CEP57: variants seen among roughly 807,000 people sequenced by gnomAD.
CEP57 encodes centrosomal protein of 57 kDa.
In CEP57, 40 loss-of-function variants were observed where a neutral mutation model predicts 68.0. That is an observed-to-expected ratio of 0.59 (90% CI 0.46 to 0.77). The LOEUF (loss-of-function observed/expected upper bound fraction) is 0.77. Among genes scored for constraint, CEP57 ranks in the 30% least tolerant of loss-of-function variants. The pLI, the probability that CEP57 is intolerant of heterozygous loss-of-function variation, is 0.00. For synonymous variants in CEP57, 219 were observed against 198.7 expected (o/e 1.10, Z -0.86); for missense variants, 606 against 580.7 (o/e 1.04, Z -0.45).
chr11:95,809,717 CAACCAAA>C (rs1861966557), intron 2 of CEP57, among the ~76,000 whole-genome samples: 1 of 152,080 alleles, frequency 6.6e-6, no homozygotes, highest in African/African-American at 2.4e-5. Flanking sequence ...AATAGCCTGC[CAACCAAA>C]AAAAGTCCAG....
chr11:95,790,370 C>T, upstream of CEP57: 1 of 455,522 alleles, frequency 2.2e-6, no homozygotes, highest in East Asian at 4.0e-5. Flanking sequence ...CCGGCGTTGT[C>T]TGCCCCAGCG....
intron 1 of CEP57, among the ~76,000 whole-genome samples, chr11:95,796,729 C>T (rs1028294521): frequency 6.6e-6 from 1 of 152,182 alleles, no homozygotes; most frequent in Non-Finnish European, 1.5e-5. Context: ...TAAGGGGCTC[C>T]GTTTCACAAG....
upstream of CEP57, chr11:95,790,206 G>A (rs2120351088): frequency 5.7e-6 from 1 of 176,474 alleles, no homozygotes; most frequent in Middle Eastern, 2.9e-3. Context: ...CGTTTAATCC[G>A]AGGGAACTCG....
intron 8 of CEP57, chr11:95,826,569 G>C (rs1014825350): frequency 6.6e-6 from 1 of 151,066 alleles, no homozygotes; most frequent in African/African-American, 2.5e-5. Flanking sequence ...TAACAAACCT[G>C]CGCATGTACG....
intron 8 of CEP57, chr11:95,826,223 T>C (rs532071838): frequency 1.3e-5 from 2 of 152,340 alleles, no homozygotes; most frequent in East Asian, 1.9e-4. Context: ...ATAGTAAATA[T>C]ACTTTCTCTT....
intron 2 of CEP57, among the ~76,000 whole-genome samples, chr11:95,805,379 G>A (rs1861754376): frequency 6.6e-6 from 1 of 152,034 alleles, no homozygotes; most frequent in Non-Finnish European, 1.5e-5. Flanking sequence ...GTTTCTTCCT[G>A]TGTGTGTGTC....
intron 3 of CEP57, 76 bp from the exon 4 acceptor site, chr11:95,813,392 C>A: frequency 1.3e-6 from 2 of 1,541,880 alleles, no homozygotes; most frequent in Non-Finnish European, 1.8e-6. Context: ...CACAATAGAT[C>A]CAATTCCTGT....
intron 2 of CEP57, among the ~76,000 whole-genome samples, chr11:95,809,176 C>T (rs1454731835): frequency 1.3e-5 from 2 of 152,004 alleles, no homozygotes; most frequent in African/African-American, 4.8e-5. Context: ...CACAACATAC[C>T]AGATTCTTTG....
rs1861476079 is a variant in CEP57 at position 95,799,321 on chromosome 11, C to T, written c.135C>T (p.Phe45=). The change falls in exon 2 of 11, where the codon TTC becomes TTT. Residue 45 remains phenylalanine (F), a synonymous_variant. Transcript: ENST00000325542. ...PYVVYPSDKP[F]LNSDLRRSPS... is the part of the protein sequence containing the mutation. The stretch of plus-strand genomic sequence containing the variant: ...TAGTATATCCTTCGGATAAGCCTTT[C>T]CTTAATAGTGATCTACGACGCTCCC... The T allele has an allele frequency of 1.2e-6, 2 of 1,613,992 alleles. No homozygotes were observed. Among genetic ancestry groups the T allele is most frequent in the African/African-American group, 1.3e-5 (1 of 74,922 alleles).
chr11:95,819,981 T>G (rs1321601482), intron 6 of CEP57, among the ~76,000 whole-genome samples: 2 of 152,240 alleles, frequency 1.3e-5, no homozygotes, highest in African/African-American at 4.8e-5. Flanking sequence ...AAAATTTCTT[T>G]GCCCATTTTC....
In CEP57 at chr11:95,829,169, C is replaced by T. The variant is rs575658541; in HGVS notation, c.1128-18C>T. On this transcript the variant is annotated intron_variant, in intron 9 of 10. Coordinates refer to ENST00000325542, the MANE Select transcript of CEP57 (RefSeq NM_014679.5). ...ACACAGAAAACTTAACCATGTTCTA[C>T]TTCTGCTTTGTATATAGTGATCACC... 1 of 1,613,052 alleles carries T rather than the reference C, an allele frequency of 6.2e-7. No individual in the cohort carries two copies. The highest frequency in any genetic ancestry group is 8.5e-7 in the Non-Finnish European group (1 of 1,179,738).
intron 4 of CEP57, among the ~76,000 whole-genome samples, chr11:95,815,426 T>C (rs1255172): frequency 0.017 from 2,633 of 152,318 alleles, 77 homozygotes; most frequent in African/African-American, 0.061. Flanking sequence ...TAAACAATTC[T>C]CAATTTTTTT....
intron 2 of CEP57, among the ~76,000 whole-genome samples, chr11:95,800,993 G>T (rs1203463802): frequency 6.6e-6 from 1 of 152,132 alleles, no homozygotes; most frequent in African/African-American, 2.4e-5. Flanking sequence ...ATGTGTTAAT[G>T]ATTCTCTAGG....
At chr11:95,819,586 G>A (rs1476771878) in intron 6 of CEP57, among the ~76,000 whole-genome samples, 1 of 152,240 alleles carries the variant, frequency 6.6e-6, no homozygotes, top group Non-Finnish European at 1.5e-5. Flanking sequence ...CGTTATGAGC[G>A]TATTTGCTCA....
At chr11:95,813,220 A>G (rs1862147889) in intron 3 of CEP57, 109 bp downstream of exon 3, 1 of 1,161,606 alleles carries the variant, frequency 8.6e-7, no homozygotes, top group Non-Finnish European at 1.2e-6. Flanking sequence ...TTCAAGTACT[A>G]CAAAACTGCA....
chr11:95,818,980 G>C, intron 6 of CEP57, 76 bp downstream of exon 6: 1 of 1,097,642 alleles, frequency 9.1e-7, no homozygotes, highest in Non-Finnish European at 1.4e-6. Flanking sequence ...ATTACATTTA[G>C]GTATCTTACA....
At position 95,813,588 on chromosome 11, in the gene CEP57, A is replaced by T. The variant is rs1433730979; in HGVS notation, c.503A>T (p.Gln168Leu). The T allele has an allele frequency of 1.2e-6, 2 of 1,612,700 alleles. No homozygotes were observed. Among genetic ancestry groups the T allele is most frequent in the Admixed American group, 3.3e-5 (2 of 60,032 alleles). ...EMERTSVLEKQVSLERERQHD... is the reference protein window; with the variant it reads ...EMERTSVLEKLVSLERERQHD... The stretch of plus-strand genomic sequence containing the variant: ...GAGAGGACATCTGTCTTAGAGAAAC[A>T]AGTAAGTAAAGCACCTCACAGATTG... Residue 168 changes from glutamine (Q) to leucine (L), a missense_variant and splice_region_variant, in exon 4 of 11, where the codon CAA becomes CTA. Transcript: ENST00000325542.
At position 95,790,755 on chromosome 11, in the gene CEP57, T is replaced by C. The variant is rs760754523; in HGVS notation, c.45+12T>C. ...GTTCTCACTTGTCGGTAAGAAGCAG[T>C]TGGCGCGAGTGGGCCCCACGTCGGC... On this transcript the variant is annotated intron_variant, in intron 1 of 10. Coordinates refer to ENST00000325542, the MANE Select transcript of CEP57 (RefSeq NM_014679.5). The C allele has an allele frequency of 1.2e-6, 2 of 1,613,872 alleles. No individual in the cohort carries two copies. Among genetic ancestry groups the C allele is most frequent in the Admixed American group, 1.7e-5 (1 of 60,010 alleles).
At chr11:95,824,558 TCTG>T (rs1313342429) in intron 8 of CEP57, among the ~76,000 whole-genome samples, 6 of 152,192 alleles carry the variant, frequency 3.9e-5, no homozygotes, top group Admixed American at 2.0e-4. Context: ...AGAAGCAGCT[TCTG>T]CTGACCAAGA....
Sources: allele counts gnomAD v4.1 joint callset (sites outside exome capture counted in the v4.1 genomes callset), GRCh38; gene constraint gnomAD v4.1.1; transcripts MANE v1.5; gene names NCBI Gene and HGNC (gene_info 2026-07-23, HGNC 2026-07-21).